GPHN: variants seen among roughly 807,000 people sequenced by gnomAD.
GPHN encodes the protein gephyrin.
GPHN carries 17 observed loss-of-function variants against 95.5 expected under a neutral mutation model. The ratio of observed to expected loss-of-function variants is 0.18; its 90% CI spans 0.12 to 0.27. GPHN has a LOEUF of 0.27. Ranked by LOEUF, GPHN falls within the 10% of genes least tolerant of loss-of-function variation. The pLI, the probability that GPHN is intolerant of heterozygous loss-of-function variation, is 1.00. For synonymous variants in GPHN, 320 were observed against 322.5 expected (o/e 0.99, Z 0.08); for missense variants, 660 against 978.1 (o/e 0.67, Z 4.34).
the GPHN span, among the ~76,000 whole-genome samples, chr14:67,716,494 CAG>C: frequency 1.3e-5 from 2 of 152,330 alleles, no homozygotes; most frequent in Admixed American, 1.3e-4. Flanking sequence ...TTTTCCATGA[CAG>C]AAAGTGTGTG....
intron 9 of GPHN, among the ~76,000 whole-genome samples, chr14:66,968,712 T>C (rs776402128): frequency 6.6e-6 from 1 of 152,174 alleles, no homozygotes; most frequent in Non-Finnish European, 1.5e-5. Context: ...TGACCATCCT[T>C]ACCTCTACAA....
chr14:67,328,402 A>G, the GPHN span, among the ~76,000 whole-genome samples: 2 of 152,156 alleles, frequency 1.3e-5, no homozygotes, highest in Non-Finnish European at 1.5e-5. Flanking sequence ...AGATGGGTAG[A>G]TGGTAAAAAT....
At chr14:66,769,588 G>C (rs752784747) in intron 2 of GPHN, among the ~76,000 whole-genome samples, 1 of 152,126 alleles carries the variant, frequency 6.6e-6, no homozygotes, top group Non-Finnish European at 1.5e-5. Context: ...TTGGCTTTCT[G>C]TTCTTGCATT....
chr14:67,457,345 G>A, the GPHN span, among the ~76,000 whole-genome samples: 2 of 152,242 alleles, frequency 1.3e-5, no homozygotes, highest in Middle Eastern at 3.2e-3. Flanking sequence ...TGTAATCCCA[G>A]CAGCTTGGGA....
the GPHN span, among the ~76,000 whole-genome samples, chr14:67,489,772 C>T: frequency 2.6e-5 from 4 of 152,258 alleles, no homozygotes; most frequent in East Asian, 1.9e-4. Flanking sequence ...GGGCGGATCA[C>T]GAGGTCAGGA....
chr14:67,733,656 C>A, the GPHN span: 2 of 829,790 alleles, frequency 2.4e-6, no homozygotes, highest in Non-Finnish European at 4.1e-6. Flanking sequence ...GTATTTTATT[C>A]ATTTAGAAAC....
At chr14:67,301,318 T>A in the GPHN span, 1 of 781,078 alleles carries the variant, frequency 1.3e-6, no homozygotes, top group Non-Finnish European at 2.0e-6. Flanking sequence ...TTAAAAAATA[T>A]GACCCTGCAT....
chr14:67,131,735 A>T (rs1213494906), intron 17 of GPHN, among the ~76,000 whole-genome samples: 1 of 152,214 alleles, frequency 6.6e-6, no homozygotes, highest in African/African-American at 2.4e-5. Flanking sequence ...AAAAGATCTT[A>T]CAAATTTACT....
At chr14:66,526,886 AT>A (rs537936437) in intron 1 of GPHN, among the ~76,000 whole-genome samples, 27 of 152,140 alleles carry the variant, frequency 1.8e-4, no homozygotes, top group Non-Finnish European at 3.8e-4. Flanking sequence ...CCAATATTTT[AT>A]CGAGGATTTT....
chr14:67,266,970 G>A, the GPHN span, among the ~76,000 whole-genome samples: 2,874 of 151,830 alleles, frequency 0.019, 37 homozygotes, highest in Middle Eastern at 0.034. Context: ...TTAGCCAGGC[G>A]TGGTGGCCCA....
At chr14:66,647,248 G>A (rs1488809276) in intron 1 of GPHN, among the ~76,000 whole-genome samples, 2 of 149,472 alleles carry the variant, frequency 1.3e-5, no homozygotes, top group African/African-American at 4.9e-5. Flanking sequence ...TGTATAGGTA[G>A]AATTAAAAAT....
intron 9 of GPHN, among the ~76,000 whole-genome samples, chr14:67,004,508 G>T (rs985591991): frequency 2.0e-5 from 3 of 151,734 alleles, no homozygotes; most frequent in African/African-American, 7.2e-5. Flanking sequence ...CATAATGTAT[G>T]AATTCAGGCT....
At chr14:67,573,939 G>A in the GPHN span, 1 of 1,329,366 alleles carries the variant, frequency 7.5e-7, no homozygotes, top group South Asian at 1.2e-5. This position sits in a 1 kb window ranked among gnomAD's most constrained non-coding sequence, Gnocchi z 4.8. Context: ...TGCTGGGTTT[G>A]GATATGGCCG....
the GPHN span, chr14:67,571,648 G>T: frequency 1.8e-4 from 203 of 1,145,458 alleles, no homozygotes; most frequent in African/African-American, 1.9e-3. Context: ...CCCGGCTGGG[G>T]GTTGGCCACA....
At chr14:67,301,618 A>T in the GPHN span, 9 of 505,210 alleles carry the variant, frequency 1.8e-5, no homozygotes, top group East Asian at 2.3e-4. Flanking sequence ...TTATTGTTGG[A>T]TTATATATTT....
intron 3 of GPHN, among the ~76,000 whole-genome samples, chr14:66,813,234 T>C (rs912911482): frequency 6.6e-6 from 1 of 152,132 alleles, no homozygotes; most frequent in African/African-American, 2.4e-5. Context: ...TTCAAACAAA[T>C]GACAACAAAA....
intron 4 of GPHN, among the ~76,000 whole-genome samples, chr14:66,859,654 G>C (rs1717453483): frequency 6.6e-6 from 1 of 152,200 alleles, no homozygotes; most frequent in Non-Finnish European, 1.5e-5. Context: ...TAAGCTTGAA[G>C]AAACAGAGAT....
chr14:66,786,563 G>C (rs1050232434), intron 3 of GPHN, among the ~76,000 whole-genome samples: 3 of 152,114 alleles, frequency 2.0e-5, no homozygotes, highest in African/African-American at 7.2e-5. Context: ...ACCAAAAACA[G>C]AGAAAGACAG....
At chr14:67,234,576 G>A in the GPHN span, among the ~76,000 whole-genome samples, 1 of 152,100 alleles carries the variant, frequency 6.6e-6, no homozygotes, top group Non-Finnish European at 1.5e-5. Context: ...TTGAAATAGA[G>A]TCTCACTCTG....
Sources: gnomAD v4.1 joint callset for allele counts (sites outside exome capture counted in the v4.1 genomes callset) on GRCh38, gnomAD v4.1.1 for gene constraint, Gnocchi (gnomAD v3.1) non-coding constraint, MANE v1.5 for transcripts, NCBI Gene and HGNC (gene_info 2026-07-23, HGNC 2026-07-21) for gene names.